GPC4: variants seen among roughly 807,000 people sequenced by gnomAD.
The protein encoded by GPC4 is glypican-4.
Under a neutral mutation model 35.0 loss-of-function variants are expected in GPC4, and 10 were observed. The observed-to-expected ratio is 0.29, with a 90% confidence interval of 0.18 to 0.48. GPC4 has a LOEUF of 0.48. Ranked by LOEUF, GPC4 falls within the 20% of genes least tolerant of loss-of-function variation. The probability of loss-of-function intolerance (pLI) is 0.99; values close to 1 mark genes in which losing one functional copy is unlikely to be tolerated. For synonymous variants in GPC4, 167 were observed against 170.2 expected (o/e 0.98, Z 0.15); for missense variants, 322 against 451.3 (o/e 0.71, Z 2.60).
chrX:133,357,888 G>A (rs1484172855), intron 1 of GPC4, among the ~76,000 whole-genome samples: 1 of 111,731 alleles, frequency 9.0e-6, no homozygotes, highest in Non-Finnish European at 1.9e-5. Context: ...CTCAGAAAGG[G>A]GATTCTTTCT....
intron 3 of GPC4, among the ~76,000 whole-genome samples, chrX:133,314,074 A>G (rs1422582515): frequency 1.8e-5 from 2 of 112,203 alleles, no homozygotes; most frequent in Non-Finnish European, 3.8e-5. Flanking sequence ...AGCACCTACT[A>G]TGTGCCAGGG....
chrX:133,396,869 A>G (rs779747489), intron 1 of GPC4, among the ~76,000 whole-genome samples: 17 of 112,226 alleles, frequency 1.5e-4, no homozygotes, highest in Non-Finnish European at 3.2e-4. Context: ...TTTGATTACA[A>G]TGGTTGTTCC....
intron 1 of GPC4, among the ~76,000 whole-genome samples, chrX:133,379,510 C>G (rs764428791): frequency 7.7e-4 from 86 of 111,800 alleles, no homozygotes; most frequent in African/African-American, 2.8e-3. Context: ...GGTTGGATGA[C>G]ACTGTTTATA....
At chrX:133,351,822 C>A (rs1354099377) in intron 1 of GPC4, among the ~76,000 whole-genome samples, 1 of 112,066 alleles carries the variant, frequency 8.9e-6, no homozygotes, top group Non-Finnish European at 1.9e-5. Flanking sequence ...TAACATTTTC[C>A]CCAAGTCTAA....
chrX:133,355,297 T>A (rs2068536743), intron 1 of GPC4, among the ~76,000 whole-genome samples: 2 of 112,005 alleles, frequency 1.8e-5, no homozygotes, highest in Admixed American at 9.5e-5. Context: ...ATCTCGAGTT[T>A]CATAAATATA....
chrX:133,402,321 A>G (rs2068770169), intron 1 of GPC4, among the ~76,000 whole-genome samples: 1 of 112,192 alleles, frequency 8.9e-6, no homozygotes, highest in African/African-American at 3.2e-5. Context: ...TGCTGGGATG[A>G]TGACGTCAAG....
Position 133,415,230 on chromosome X carries a change from A to G in GPC4, c.-265T>C. On this transcript the variant is annotated 5_prime_UTR_variant, in exon 1 of 9. Coordinates refer to ENST00000370828, the MANE Select transcript of GPC4 (RefSeq NM_001448.3). ...GAGGCGGCGCGCGGCCCAGGGAAGCAGAGGCGCGGGCTGGTGACCTCGGGG... is the reference window on the plus strand; with the variant it reads ...GAGGCGGCGCGCGGCCCAGGGAAGCGGAGGCGCGGGCTGGTGACCTCGGGG... 1 of 324,030 alleles carries G rather than the reference A, an allele frequency of 3.1e-6. No homozygotes were observed. Among genetic ancestry groups the G allele is most frequent in the East Asian group, 5.3e-5 (1 of 18,911 alleles). 26.7% of individuals were successfully genotyped at this position (324,030 alleles called of 1,213,427 possible). A position where few individuals can be genotyped will look rare whatever the true frequency, so the allele number is the denominator to read the frequency against.
At chrX:133,327,636 AGTGTGTGTGTGTGTGTGTGTGT>A (rs557359106) in intron 2 of GPC4, among the ~76,000 whole-genome samples, 10 of 83,284 alleles carry the variant, frequency 1.2e-4, no homozygotes, top group African/African-American at 2.2e-4. Flanking sequence ...TGTCCAGGAA[AGTGTGTGTGTGTGTGTGTGTGT>A]GTGTGTGTGT....
chrX:133,403,432 A>C (rs1181151846), intron 1 of GPC4, among the ~76,000 whole-genome samples: 4 of 111,350 alleles, frequency 3.6e-5, no homozygotes, highest in African/African-American at 1.3e-4. Context: ...CTCTTTTATA[A>C]GGGCACTAAT....
At chrX:133,354,735 A>T (rs1428847885) in intron 1 of GPC4, among the ~76,000 whole-genome samples, 2 of 102,279 alleles carry the variant, frequency 2.0e-5, no homozygotes, top group African/African-American at 7.3e-5. Context: ...CGCCCGGCTA[A>T]TTTTTTGTAT....
At chrX:133,374,183 C>G (rs913823847) in intron 1 of GPC4, among the ~76,000 whole-genome samples, 1 of 111,211 alleles carries the variant, frequency 9.0e-6, no homozygotes, top group Non-Finnish European at 1.9e-5. Context: ...TGTTTGGCAA[C>G]GTGGGGGAGA....
rs1267933092 is a variant in GPC4, at chrX:133,304,742, A to G, written c.1275T>C (p.Asn425=). The G allele has an allele frequency of 8.3e-7, 1 of 1,211,740 alleles. No homozygotes were observed. Among genetic ancestry groups the G allele is most frequent in the Admixed American group, 2.2e-5 (1 of 46,059 alleles). ...ACACTAACCTGCTTTTGCCTTTCCC[A>G]TTCCAACAGTCATCCTCATTGCCGT... ...AGNGNEDDCW[N]GKGKSRYLFA... Residue 425 remains asparagine, a synonymous_variant, in exon 7 of 9, where the codon AAT becomes AAC. Coordinates refer to ENST00000370828, the MANE Select transcript of GPC4 (RefSeq NM_001448.3).
At chrX:133,409,246 CT>C (rs1173409011) in intron 1 of GPC4, among the ~76,000 whole-genome samples, 1 of 99,671 alleles carries the variant, frequency 1.0e-5, no homozygotes, top group Non-Finnish European at 2.0e-5. Context: ...TTGCTTGAGC[CT>C]GGGAGGCAGA....
chrX:133,314,811 G>A (rs1384547135), intron 3 of GPC4, among the ~76,000 whole-genome samples: 2 of 110,940 alleles, frequency 1.8e-5, no homozygotes, highest in African/African-American at 3.3e-5. Flanking sequence ...AAACAGTCAC[G>A]AGACCTAAAG....
At chrX:133,404,586 C>T (rs1384972950) in intron 1 of GPC4, among the ~76,000 whole-genome samples, 4 of 90,481 alleles carry the variant, frequency 4.4e-5, no homozygotes, top group Non-Finnish European at 4.2e-5. Flanking sequence ...AGGGGCCGGG[C>T]GTGGTGGCTC....
At chrX:133,326,252 A>G (rs753378963) in intron 2 of GPC4, among the ~76,000 whole-genome samples, 1 of 111,577 alleles carries the variant, frequency 9.0e-6, no homozygotes, top group South Asian at 3.8e-4. Context: ...ACAAAGAGTT[A>G]GGTGAACAAT....
intron 2 of GPC4, among the ~76,000 whole-genome samples, chrX:133,331,852 T>G (rs1435447362): frequency 1.8e-5 from 2 of 111,596 alleles, no homozygotes; most frequent in Admixed American, 9.5e-5. Context: ...ACAAAAAGAT[T>G]AGGTAAATAC....
intron 1 of GPC4, among the ~76,000 whole-genome samples, chrX:133,348,992 T>C (rs951508363): frequency 8.9e-6 from 1 of 112,330 alleles, no homozygotes; most frequent in African/African-American, 3.2e-5. Context: ...CAGTGATACA[T>C]TCAGCTATGA....
At chrX:133,385,060 C>T (rs1347443466) in intron 1 of GPC4, among the ~76,000 whole-genome samples, 1 of 111,830 alleles carries the variant, frequency 8.9e-6, no homozygotes. Flanking sequence ...ACTGATGTCC[C>T]CAAGAGTCTA....
Sources: gnomAD v4.1 joint callset for allele counts (sites outside exome capture counted in the v4.1 genomes callset) on GRCh38, gnomAD v4.1.1 for gene constraint, MANE v1.5 for transcripts, NCBI Gene and HGNC (gene_info 2026-07-23, HGNC 2026-07-21) for gene names.